FYCO1: variants seen among roughly 807,000 people sequenced by gnomAD.
FYCO1 encodes the protein FYVE and coiled-coil domain autophagy adaptor 1.
In FYCO1, 122 loss-of-function variants were observed where a neutral mutation model predicts 165.1. That is an observed-to-expected ratio of 0.74 (90% CI 0.64 to 0.86). FYCO1 has a LOEUF of 0.86. FYCO1 is among the 40% of genes least tolerant of loss of function. FYCO1 has a pLI of 0.00. For synonymous variants in FYCO1, 648 were observed against 742.5 expected, an observed-to-expected ratio of 0.87 and a Z score of 2.07; for missense variants, 1,702 against 1,810.3, an observed-to-expected ratio of 0.94 and a Z score of 1.09.
chr3:45,990,449 G>C (rs1424234915), intron 1 of FYCO1, among the ~76,000 whole-genome samples: 1 of 152,156 alleles, frequency 6.6e-6, no homozygotes, highest in Non-Finnish European at 1.5e-5. Flanking sequence ...AACATACAAG[G>C]TACCACACTG....
chr3:45,985,015 G>T lies in FYCO1; in HGVS notation c.-105C>A. On this transcript the variant is annotated 5_prime_UTR_variant, in exon 2 of 18. Transcript: ENST00000296137. Reference sequence around the variant, plus strand: ...CTGCTCAGCAGTGGTCAGACTCCATGGTGGCACCTGCACAGAGGAAGGGGA... The same window carrying T: ...CTGCTCAGCAGTGGTCAGACTCCATTGTGGCACCTGCACAGAGGAAGGGGA... The T allele has an allele frequency of 9.7e-7, 1 of 1,032,828 alleles. No individual in the cohort carries two copies. The highest frequency in any genetic ancestry group is 1.5e-6 in the Non-Finnish European group (1 of 651,026). The allele number at this position is 1,032,828 out of a possible 1,614,324, so 64.0% of individuals were successfully genotyped here.
At chr3:45,947,367 C>T (rs752955058) in intron 14 of FYCO1, 17 of 1,614,116 alleles carry the variant, frequency 1.1e-5, no homozygotes, top group African/African-American at 4.0e-5. Flanking sequence ...CCTGAAGTTT[C>T]GAAAGAACTT....
intron 4 of FYCO1, among the ~76,000 whole-genome samples, chr3:45,976,870 C>G (rs935909582): frequency 6.6e-6 from 1 of 152,200 alleles, no homozygotes; most frequent in Non-Finnish European, 1.5e-5. Flanking sequence ...CTCTCTTTAA[C>G]TACAGAAGCT....
At chr3:45,979,615 A>T in intron 4 of FYCO1, 90 bp downstream of exon 4, 1 of 1,500,478 alleles carries the variant, frequency 6.7e-7, no homozygotes, top group Admixed American at 1.7e-5. Flanking sequence ...CCACTTCCTT[A>T]TTTAGCTGTC....
chr3:45,983,872 A>C (rs761370059), intron 2 of FYCO1, among the ~76,000 whole-genome samples: 2 of 152,250 alleles, frequency 1.3e-5, no homozygotes, highest in Non-Finnish European at 2.9e-5. Flanking sequence ...TCAGAGGCCC[A>C]AGGCATGGTA....
chr3:45,938,100 C>T (rs1052082131), intron 14 of FYCO1: 30 of 633,632 alleles, frequency 4.7e-5, no homozygotes, highest in Non-Finnish European at 7.6e-5. Context: ...CCAATTTTCC[C>T]GCATTCAGGA....
chr3:45,982,212 C>A (rs766851323), intron 2 of FYCO1, among the ~76,000 whole-genome samples: 5 of 152,038 alleles, frequency 3.3e-5, no homozygotes, highest in Admixed American at 2.6e-4. Flanking sequence ...GTATTTTTCT[C>A]ATTTAATATG....
At chr3:45,954,221 G>GGC (rs1705191051) in intron 14 of FYCO1, among the ~76,000 whole-genome samples, 1 of 151,594 alleles carries the variant, frequency 6.6e-6, no homozygotes, top group South Asian at 2.1e-4. Context: ...TTTTTTGGGG[G>GGC]GGGTAAGGCG....
intron 5 of FYCO1, among the ~76,000 whole-genome samples, chr3:45,974,702 C>A (rs1046550128): frequency 9.2e-5 from 14 of 152,184 alleles, no homozygotes; most frequent in Non-Finnish European, 2.1e-4. Context: ...CAATCCCTGC[C>A]TCTCTCCTCC....
intron 14 of FYCO1, among the ~76,000 whole-genome samples, chr3:45,950,499 T>C (rs1271233876): frequency 6.6e-6 from 1 of 152,036 alleles, no homozygotes; most frequent in Non-Finnish European, 1.5e-5. Flanking sequence ...CTACCCCTAC[T>C]GGAGGGGTGG....
intron 11 of FYCO1, among the ~76,000 whole-genome samples, chr3:45,961,315 C>G (rs902231547): frequency 1.3e-5 from 2 of 152,172 alleles, no homozygotes; most frequent in African/African-American, 4.8e-5. Flanking sequence ...CATGGTGGCT[C>G]ATGCCTGTAC....
At chr3:45,924,875 A>C (rs1246624426) in intron 16 of FYCO1, among the ~76,000 whole-genome samples, 2 of 151,800 alleles carry the variant, frequency 1.3e-5, no homozygotes, top group African/African-American at 4.8e-5. Context: ...AGCCTCCCAA[A>C]GTGCTGGGAT....
chr3:45,969,855 G>T, intron 6 of FYCO1, 90 bp from the exon 7 acceptor site: 1 of 999,332 alleles, frequency 1.0e-6, no homozygotes, highest in Non-Finnish European at 1.5e-6. Context: ...CCAGGTGGTG[G>T]TAGGGGGCTG....
chr3:45,974,610 G>T (rs1217258963), intron 5 of FYCO1, among the ~76,000 whole-genome samples: 1 of 152,142 alleles, frequency 6.6e-6, no homozygotes, highest in Non-Finnish European at 1.5e-5. Context: ...GCCAAGAGAT[G>T]CTGGAAAACC....
At chr3:45,960,285 C>T (rs1005560429) in intron 11 of FYCO1, among the ~76,000 whole-genome samples, 1 of 152,206 alleles carries the variant, frequency 6.6e-6, no homozygotes, top group Non-Finnish European at 1.5e-5. Context: ...GCTAACGTGG[C>T]TCTAGCAGCA....
chr3:45,967,687 C>A lies in FYCO1; in HGVS notation c.1647G>T (p.Gln549His). 1.2e-6 allele frequency: 2 copies of A among 1,613,886 alleles called. No homozygotes were observed. The highest frequency in any genetic ancestry group is 1.7e-6 in the Non-Finnish European group (2 of 1,180,036). The change falls in exon 8 of 18, where the codon CAG becomes CAT. Residue 549 changes from glutamine (Q) to histidine (H), a missense_variant. By Grantham distance (24) the Gln-to-His change is conservative. Transcript: ENST00000296137. Reference sequence around the variant, plus strand: ...CAGCAAGCCGCTCGAGCATACCCACCTGCTGGCTGAGGTGGTCTTTGTCCT... The same window carrying A: ...CAGCAAGCCGCTCGAGCATACCCACATGCTGGCTGAGGTGGTCTTTGTCCT... ...LIQDKDHLSQ[Q>H]VGMLERLAGP...
chr3:45,964,081 C>G lies in FYCO1; in HGVS notation c.3269+255G>C, dbSNP rs34786605. 9.4e-3 allele frequency among the ~76,000 whole-genome samples: 1,425 copies of G among 152,274 alleles called. 10 individuals are homozygous for G. Among genetic ancestry groups the G allele is most frequent in the Non-Finnish European group, 0.014 (949 of 68,030 alleles). On this transcript the variant is annotated intron_variant, in intron 10 of 17. Transcript: ENST00000296137. The surrounding 1 kb of genome is among the most constrained non-coding windows in gnomAD (Gnocchi z 4.1). ...TTAGTTTTTCCAAAGCTTGCAGTTA[C>G]TGAAGTATGATATGCACTGCCAGAG...
At position 45,966,763 on chromosome 3, in the gene FYCO1, C is replaced by T; in HGVS notation, c.2571G>A (p.Glu857=). The change falls in exon 8 of 18, where the codon GAG becomes GAA. Residue 857 remains glutamate (E), a synonymous_variant. Transcript: ENST00000296137. ...QCSEREGALQ[E]ERADEAQQRE... is the part of the protein sequence containing the mutation. The stretch of plus-strand genomic sequence containing the variant: ...TCTGCTGGGCCTCATCGGCCCTCTC[C>T]TCCTGCAGTGCCCCTTCACGCTCCG... The T allele has an allele frequency of 6.2e-7, 1 of 1,610,502 alleles. No individual in the cohort carries two copies. Among genetic ancestry groups the T allele is most frequent in the Non-Finnish European group, 8.5e-7 (1 of 1,180,000 alleles).
At chr3:45,963,330 C>A (rs947211182) in intron 10 of FYCO1, among the ~76,000 whole-genome samples, 3 of 152,278 alleles carry the variant, frequency 2.0e-5, no homozygotes, top group East Asian at 1.9e-4. Context: ...TTACAAAAAA[C>A]CACTGTTTAT....
Sources: gnomAD v4.1 joint callset for allele counts (sites outside exome capture counted in the v4.1 genomes callset) on GRCh38, gnomAD v4.1.1 for gene constraint, Gnocchi (gnomAD v3.1) non-coding constraint, MANE v1.5 for transcripts, NCBI Gene and HGNC (gene_info 2026-07-23, HGNC 2026-07-21) for gene names.